PLPP1: variants seen among roughly 807,000 people sequenced by gnomAD.
PLPP1 encodes the protein phospholipid phosphatase 1.
A neutral mutation model predicts 31.2 loss-of-function variants in PLPP1; 24 were observed. That is an observed-to-expected ratio of 0.77 (90% CI 0.56 to 1.08). The LOEUF (loss-of-function observed/expected upper bound fraction) is 1.08. Among genes scored for constraint, PLPP1 ranks in the 50% least tolerant of loss-of-function variants. The pLI is 0.00. For missense variants in PLPP1, 319 were observed against 342.7 expected (o/e 0.93, Z 0.55); for synonymous variants, 146 against 126.3 (o/e 1.16, Z -1.05).
intron 3 of PLPP1, among the ~76,000 whole-genome samples, chr5:55,462,977 A>AG (rs2111773374): frequency 6.6e-6 from 1 of 152,214 alleles, no homozygotes; most frequent in Admixed American, 6.5e-5. Flanking sequence ...CATCTCAAAA[A>AG]AAAAAGAAAA....
chr5:55,470,606 G>A (rs1408285071), intron 2 of PLPP1, among the ~76,000 whole-genome samples: 5 of 152,202 alleles, frequency 3.3e-5, no homozygotes, highest in Admixed American at 3.3e-4. Flanking sequence ...AACTCACATC[G>A]CTGAGAGAAG....
intron 1 of PLPP1, among the ~76,000 whole-genome samples, chr5:55,490,481 T>C (rs1244832435): frequency 1.3e-5 from 2 of 152,106 alleles, no homozygotes; most frequent in Non-Finnish European, 2.9e-5. Flanking sequence ...ATTCTGATAA[T>C]TTTATTTTGC....
chr5:55,523,879 T>C (rs929085992), intron 1 of PLPP1, among the ~76,000 whole-genome samples: 8 of 152,188 alleles, frequency 5.3e-5, no homozygotes, highest in East Asian at 1.9e-4. Flanking sequence ...AGAGCCTTCA[T>C]TGAGACTGCT....
chr5:55,468,861 A>T (rs951885977), intron 2 of PLPP1, among the ~76,000 whole-genome samples: 2 of 152,162 alleles, frequency 1.3e-5, no homozygotes, highest in Admixed American at 6.6e-5. Context: ...ACTCCTGTGT[A>T]TAAGTACTTT....
chr5:55,469,376 G>C (rs1364598326), intron 2 of PLPP1, among the ~76,000 whole-genome samples: 3 of 151,960 alleles, frequency 2.0e-5, no homozygotes, highest in Non-Finnish European at 2.9e-5. Flanking sequence ...ATAATCCCCA[G>C]CTACTTGGGA....
chr5:55,512,502 AAAAGAAAAGAAAAGAAAG>A (rs1753445603), intron 1 of PLPP1, among the ~76,000 whole-genome samples: 1 of 13,426 alleles, frequency 7.4e-5, no homozygotes, highest in African/African-American at 1.6e-4. Context: ...GAAAGAAAAG[AAAAGAAAAGAAAAGAAAG>A]AAAGAAAGAA....
chr5:55,517,563 C>G (rs918887886), intron 1 of PLPP1, among the ~76,000 whole-genome samples: 4 of 152,212 alleles, frequency 2.6e-5, no homozygotes, highest in Admixed American at 6.5e-5. Context: ...CAAAGCTCTT[C>G]AAGTGAGTTG....
chr5:55,447,538 C>T (rs964269759), intron 3 of PLPP1, among the ~76,000 whole-genome samples: 2 of 152,084 alleles, frequency 1.3e-5, no homozygotes, highest in Admixed American at 1.3e-4. Context: ...CGTGCTCACA[C>T]AGAGATAATG....
At chr5:55,433,305 G>A (rs1483637379) in intron 4 of PLPP1, among the ~76,000 whole-genome samples, 1 of 148,988 alleles carries the variant, frequency 6.7e-6, no homozygotes, top group Non-Finnish European at 1.5e-5. Flanking sequence ...CAGCCTGGGT[G>A]ACAGGGAGAC....
chr5:55,459,218 G>T (rs912605468), intron 3 of PLPP1, among the ~76,000 whole-genome samples: 1 of 150,298 alleles, frequency 6.7e-6, no homozygotes, highest in Admixed American at 6.6e-5. Flanking sequence ...ATACCAAAAA[G>T]GAGCAATACA....
intron 3 of PLPP1, among the ~76,000 whole-genome samples, chr5:55,463,868 A>C (rs1347980805): frequency 6.6e-6 from 1 of 151,642 alleles, no homozygotes; most frequent in Non-Finnish European, 1.5e-5. Flanking sequence ...GATTGAGAGA[A>C]AATATTTTCA....
chr5:55,468,510 A>G (rs1345878212), intron 2 of PLPP1, among the ~76,000 whole-genome samples: 1 of 152,118 alleles, frequency 6.6e-6, no homozygotes, highest in Non-Finnish European at 1.5e-5. Context: ...TGTCCAAAAA[A>G]CAAACTTCCA....
chr5:55,530,924 G>GGTGACATGGTGACA (rs1303581972), intron 1 of PLPP1, among the ~76,000 whole-genome samples: 2 of 151,962 alleles, frequency 1.3e-5, no homozygotes, highest in African/African-American at 4.9e-5. Flanking sequence ...CGGCCCCGAT[G>GGTGACATGGTGACA]GTGACATGGT....
intron 3 of PLPP1, among the ~76,000 whole-genome samples, chr5:55,444,740 ATTTT>A (rs746070078): frequency 1.8e-4 from 3 of 16,452 alleles, no homozygotes; most frequent in African/African-American, 4.0e-4. Flanking sequence ...ATGGGATTCT[ATTTT>A]GTGTGTGTGT....
chr5:55,428,425 G>A (rs1751262859), intron 4 of PLPP1, among the ~76,000 whole-genome samples: 1 of 152,208 alleles, frequency 6.6e-6, no homozygotes, highest in African/African-American at 2.4e-5. Flanking sequence ...CTCAGACCTT[G>A]GGTAAACTTG....
chr5:55,464,792 C>T (rs1184056495), intron 3 of PLPP1, among the ~76,000 whole-genome samples: 1 of 152,220 alleles, frequency 6.6e-6, no homozygotes, highest in South Asian at 2.1e-4. Flanking sequence ...AAACTTGACC[C>T]TCCGGTTGCA....
chr5:55,426,071 T>G (rs2111649739), intron 4 of PLPP1, 32 bp from the exon 5 acceptor site: 1 of 1,532,898 alleles, frequency 6.5e-7, no homozygotes, highest in South Asian at 1.3e-5. Context: ...AAAAATAGTT[T>G]ATTTAACATA....
chr5:55,490,151 T>C lies in PLPP1; in HGVS notation c.59-14701A>G, dbSNP rs960695054. ...AATAGTGACTTTTCTTTTCTTTTTT[T>C]TTTTTTTTTTTTTTTTGAGATGGAG... On this transcript the variant is annotated intron_variant, in intron 1 of 5. Transcript: ENST00000307259. Among the ~76,000 whole-genome samples the C allele has an allele frequency of 4.9e-5, 7 of 143,532 alleles. No individual in the cohort carries two copies. The East Asian group carries it at 5.9e-4, about 12-fold the overall frequency. The allele number at this position is 143,532 out of a possible 152,430, so 94.2% of individuals were successfully genotyped here.
chr5:55,464,083 A>G (rs925670453), intron 3 of PLPP1, among the ~76,000 whole-genome samples: 1 of 152,062 alleles, frequency 6.6e-6, no homozygotes, highest in Non-Finnish European at 1.5e-5. Context: ...AGATACCATA[A>G]CAAAAACCCT....
Sources: allele counts gnomAD v4.1 joint callset (sites outside exome capture counted in the v4.1 genomes callset), GRCh38; gene constraint gnomAD v4.1.1; transcripts MANE v1.5; gene names NCBI Gene and HGNC (gene_info 2026-07-23, HGNC 2026-07-21).